Variants in UAP1 observed in about 807,000 individuals in gnomAD.
UAP1 encodes UDP-N-acetylglucosamine pyrophosphorylase 1.
Under a neutral mutation model 58.5 loss-of-function variants are expected in UAP1, and 25 were observed. That is an observed-to-expected ratio of 0.43 (90% CI 0.31 to 0.60). The LOEUF is 0.60. Ranked by LOEUF, UAP1 falls within the 20% of genes least tolerant of loss-of-function variation. The pLI is 0.11. For synonymous variants in UAP1, 208 were observed against 213.0 expected (o/e 0.98, Z 0.21); for missense variants, 575 against 630.0 (o/e 0.91, Z 0.93).
At chr1:162,562,200 G>A (rs12742188) in intron 1 of UAP1, among the ~76,000 whole-genome samples, 6,096 of 152,080 alleles carry the variant, frequency 0.04, 155 homozygotes, top group East Asian at 0.11. Flanking sequence ...TCAGGCTAGG[G>A]CCTTGTGGAC....
At chr1:162,573,638 C>T (rs1654000165) in intron 2 of UAP1, among the ~76,000 whole-genome samples, 1 of 151,968 alleles carries the variant, frequency 6.6e-6, no homozygotes, top group Non-Finnish European at 1.5e-5. Flanking sequence ...TATGAAAATA[C>T]ATAATGTGCT....
intron 8 of UAP1, 88 bp from the exon 9 acceptor site, chr1:162,592,644 A>G: frequency 1.0e-6 from 1 of 977,742 alleles, no homozygotes; most frequent in Non-Finnish European, 1.6e-6. Context: ...AATACATACC[A>G]TTCAATCAAG....
chr1:162,589,247 T>C (rs1456964716), intron 7 of UAP1, among the ~76,000 whole-genome samples: 1 of 125,274 alleles, frequency 8.0e-6, no homozygotes, highest in Non-Finnish European at 1.6e-5. Flanking sequence ...AAATTTATAG[T>C]TATATATAAA....
chr1:162,595,628 C>T (rs1247814543), intron 9 of UAP1, among the ~76,000 whole-genome samples: 2 of 152,124 alleles, frequency 1.3e-5, no homozygotes, highest in African/African-American at 2.4e-5. Flanking sequence ...TAGGCCTGCT[C>T]ATAGGTTTAT....
rs1358091836 is a variant in UAP1, at chr1:162,579,518, C to CT, written c.582dup (p.Gln195SerfsTer11). The CT allele has an allele frequency of 6.2e-7, 1 of 1,611,382 alleles. No individual in the cohort carries two copies. Among genetic ancestry groups the CT allele is most frequent in the Admixed American group, 1.7e-5 (1 of 59,400 alleles). On this transcript the variant is annotated frameshift_variant, in exon 4 of 11. Transcript: ENST00000271469. LOFTEE classifies it high-confidence loss of function. ...TTGGTTTAAAAAAAGAGAATGTAAT[C>CT]TTTTTTCAGCAAGGAATGCTCCCCG... is the stretch of plus-strand genomic sequence containing the variant.
At chr1:162,587,415 A>G in intron 5 of UAP1, 60 bp from the exon 6 acceptor site, 1 of 1,469,906 alleles carries the variant, frequency 6.8e-7, no homozygotes, top group Admixed American at 2.0e-5. Flanking sequence ...TGACAATGGC[A>G]AATCTCCAAA....
At chr1:162,566,272 A>G (rs1178732761) in exon 2 of UAP1, 1 of 1,614,212 alleles carries the variant, frequency 6.2e-7, no homozygotes, top group Non-Finnish European at 8.5e-7. Context: ...TGGATGCACG[A>G]ATGGAACCTG....
chr1:162,574,733 A>G (rs567383551), intron 2 of UAP1, among the ~76,000 whole-genome samples: 4 of 152,232 alleles, frequency 2.6e-5, no homozygotes, highest in Middle Eastern at 3.4e-3. Flanking sequence ...ACTCTGCCTT[A>G]TGGTACTGAG....
chr1:162,576,780 T>G lies in UAP1; in HGVS notation c.284T>G (p.Leu95Arg), dbSNP rs1027497980. The G allele has an allele frequency of 5.6e-6, 9 of 1,613,556 alleles. No individual in the cohort carries two copies. The highest frequency in any genetic ancestry group is 7.6e-6 in the Non-Finnish European group (9 of 1,179,842). The stretch of plus-strand genomic sequence containing the variant: ...ATACAAGTGTTTTCTTTTCTAGGAC[T>G]TTTCCAGATTTCTCAGAATAAAGTA... Residue 95 changes from leucine to arginine, a missense_variant, in exon 3 of 11, where the codon CTT becomes CGT. Transcript: ENST00000271469.
chr1:162,563,486 T>A (rs1423723542), intron 1 of UAP1, among the ~76,000 whole-genome samples: 2 of 152,082 alleles, frequency 1.3e-5, no homozygotes, highest in African/African-American at 4.8e-5. Flanking sequence ...TGCCTCAGCC[T>A]CCTGAGTAGC....
At chr1:162,572,094 A>G (rs1653899109) in intron 2 of UAP1, among the ~76,000 whole-genome samples, 1 of 152,220 alleles carries the variant, frequency 6.6e-6, no homozygotes, top group Non-Finnish European at 1.5e-5. Context: ...TGAGATGTAA[A>G]TGGATATCTA....
chr1:162,578,435 T>C (rs1654349530), intron 3 of UAP1, among the ~76,000 whole-genome samples: 1 of 152,236 alleles, frequency 6.6e-6, no homozygotes, highest in Non-Finnish European at 1.5e-5. Context: ...TTCGTAGCTC[T>C]TCTAGCTCTT....
chr1:162,563,630 T>C (rs1653312877), intron 1 of UAP1, among the ~76,000 whole-genome samples: 1 of 152,212 alleles, frequency 6.6e-6, no homozygotes, highest in South Asian at 2.1e-4. Flanking sequence ...CCCAAAGTAC[T>C]GGAATTACAG....
rs544658003 is a variant in UAP1, at chr1:162,589,246, G to GTTATA, written c.1169+415_1169+419dup. On this transcript the variant is annotated intron_variant, in intron 7 of 10. Transcript: ENST00000271469. ...TTTATATATTATATATAAATTTATA[G>GTTATA]TTATATATAAATATATATTTATTTA... Among the ~76,000 whole-genome samples the GTTATA allele has an allele frequency of 9.9e-3, 1,169 of 118,528 alleles. 15 individuals are homozygous for GTTATA. The highest frequency in any genetic ancestry group is 0.037 in the African/African-American group (1,122 of 30,738). 77.8% of individuals were successfully genotyped at this position (118,528 alleles called of 152,430 possible). A position where few individuals can be genotyped will look rare whatever the true frequency, so the allele number is the denominator to read the frequency against.
intron 8 of UAP1, among the ~76,000 whole-genome samples, chr1:162,591,985 A>G (rs914792554): frequency 5.3e-5 from 8 of 152,162 alleles, no homozygotes; most frequent in African/African-American, 1.7e-4. Context: ...CTTCACTGGC[A>G]CCTAGAATTT....
At chr1:162,566,265 A>G in exon 2 of UAP1, 2 of 1,614,204 alleles carry the variant, frequency 1.2e-6, no homozygotes, top group Non-Finnish European at 1.7e-6. Context: ...AAGAATGTGG[A>G]TGCACGAATG....
chr1:162,585,052 A>G (rs1196557817), intron 5 of UAP1, among the ~76,000 whole-genome samples: 3 of 151,968 alleles, frequency 2.0e-5, no homozygotes, highest in African/African-American at 7.3e-5. Context: ...AGTAGCTGGG[A>G]TTACAGGCAT....
intron 2 of UAP1, among the ~76,000 whole-genome samples, chr1:162,568,293 T>A (rs958508457): frequency 2.0e-5 from 3 of 152,202 alleles, no homozygotes; most frequent in African/African-American, 4.8e-5. Flanking sequence ...CTGACAAATT[T>A]ACTGATTTTC....
At position 162,588,893 on chromosome 1, in the gene UAP1, C is replaced by G. The variant is rs767083186; in HGVS notation, c.1169+60C>G. Reference sequence around the variant, plus strand: ...ATGTCTTAAAATGCTGCTTTTCACTCTCTTAGGCATGAAACTGTTTTCAGG... The same window carrying G: ...ATGTCTTAAAATGCTGCTTTTCACTGTCTTAGGCATGAAACTGTTTTCAGG... On this transcript the variant is annotated intron_variant, in intron 7 of 10. Coordinates refer to ENST00000271469, the Ensembl canonical transcript of UAP1. 9 of 1,503,884 alleles carry G rather than the reference C, an allele frequency of 6.0e-6. No individual in the cohort carries two copies. In the East Asian group the frequency reaches 7.0e-5, roughly 12 times the overall value. The allele number at this position is 1,503,884 out of a possible 1,614,324, so 93.2% of individuals were successfully genotyped here.
Sources: gnomAD v4.1 joint callset for allele counts (sites outside exome capture counted in the v4.1 genomes callset) on GRCh38, gnomAD v4.1.1 for gene constraint, MANE v1.5 for transcripts, NCBI Gene and HGNC (gene_info 2026-07-23, HGNC 2026-07-21) for gene names.